The following SLC35F1 variants were observed in gnomAD, a reference collection of about 807,000 sequenced individuals.
SLC35F1 encodes solute carrier family 35 member F1.
A neutral mutation model predicts 48.7 loss-of-function variants in SLC35F1; 14 were observed. The observed-to-expected ratio is 0.29, with a 90% CI of 0.19 to 0.45. SLC35F1 has a LOEUF of 0.45. Ranked by LOEUF, SLC35F1 falls within the 20% of genes least tolerant of loss-of-function variation. SLC35F1 has a pLI of 1.00. For synonymous variants in SLC35F1, 190 were observed against 202.2 expected (o/e 0.94, Z 0.51); for missense variants, 404 against 500.0 (o/e 0.81, Z 1.83).
chr6:118,032,134 C>T (rs1562269209), intron 1 of SLC35F1, among the ~76,000 whole-genome samples: 1 of 152,092 alleles, frequency 6.6e-6, no homozygotes, highest in Non-Finnish European at 1.5e-5. Context: ...GCTCAATAAA[C>T]CCAGACATAT....
At chr6:117,999,869 G>A (rs1331947349) in intron 1 of SLC35F1, among the ~76,000 whole-genome samples, 5 of 150,678 alleles carry the variant, frequency 3.3e-5, no homozygotes, top group South Asian at 2.1e-4. Flanking sequence ...TAAATTCCTC[G>A]ACACATATAC....
chr6:117,997,513 G>A (rs965899682), intron 1 of SLC35F1, among the ~76,000 whole-genome samples: 9 of 152,132 alleles, frequency 5.9e-5, no homozygotes, highest in African/African-American at 1.4e-4. Context: ...AATGTTAAGG[G>A]CAGCCAGAGA....
chr6:117,920,932 A>T (rs1032914945), intron 1 of SLC35F1, among the ~76,000 whole-genome samples: 2 of 152,066 alleles, frequency 1.3e-5, no homozygotes, highest in African/African-American at 2.4e-5. Flanking sequence ...AAATATTTAA[A>T]TATAACATAT....
intron 1 of SLC35F1, among the ~76,000 whole-genome samples, chr6:117,954,881 C>T (rs2114830324): frequency 6.6e-6 from 1 of 152,318 alleles, no homozygotes; most frequent in East Asian, 1.9e-4. Flanking sequence ...TTTTCTTACT[C>T]ATTGACTGTT....
intron 2 of SLC35F1, among the ~76,000 whole-genome samples, chr6:118,228,743 G>T (rs148825709): frequency 6.2e-4 from 95 of 152,076 alleles, no homozygotes; most frequent in African/African-American, 2.2e-3. Context: ...TGGAGTTCTG[G>T]TAAAAGAGAT....
At chr6:118,141,299 A>G (rs1773885779) in intron 1 of SLC35F1, among the ~76,000 whole-genome samples, 1 of 152,256 alleles carries the variant, frequency 6.6e-6, no homozygotes, top group African/African-American at 2.4e-5. Context: ...AACTGCATAC[A>G]GTATTCAGTA....
intron 6 of SLC35F1, among the ~76,000 whole-genome samples, chr6:118,284,046 TG>T (rs1776020342): frequency 6.6e-6 from 1 of 152,190 alleles, no homozygotes; most frequent in Admixed American, 6.5e-5. Context: ...AGATCTGATG[TG>T]GCTTTCATAT....
intron 2 of SLC35F1, among the ~76,000 whole-genome samples, chr6:118,225,254 T>C (rs562294964): frequency 8.5e-5 from 13 of 152,302 alleles, no homozygotes; most frequent in Admixed American, 7.2e-4. Flanking sequence ...TACAAAGTTA[T>C]GGCAATTAAA....
intron 1 of SLC35F1, among the ~76,000 whole-genome samples, chr6:117,965,001 A>T (rs1294753886): frequency 6.6e-6 from 1 of 152,192 alleles, no homozygotes; most frequent in Admixed American, 6.5e-5. Flanking sequence ...GGAGACGGTC[A>T]CTTAGGCAAT....
intron 3 of SLC35F1, among the ~76,000 whole-genome samples, chr6:118,241,820 A>C (rs1248012706): frequency 6.6e-6 from 1 of 152,242 alleles, no homozygotes; most frequent in Admixed American, 6.5e-5. Context: ...ATTGAATTTT[A>C]CAGTATTTAA....
intron 2 of SLC35F1, among the ~76,000 whole-genome samples, chr6:118,198,070 G>A (rs963107497): frequency 6.6e-6 from 1 of 152,064 alleles, no homozygotes; most frequent in Admixed American, 6.5e-5. Context: ...GGTGACTTGT[G>A]GACTCTCAGT....
intron 1 of SLC35F1, among the ~76,000 whole-genome samples, chr6:118,153,284 C>T (rs539853541): frequency 6.6e-6 from 1 of 152,002 alleles, no homozygotes; most frequent in Non-Finnish European, 1.5e-5. Context: ...TTGTATATTC[C>T]AAAAGCGCTA....
chr6:118,046,608 A>G (rs1441861785), intron 1 of SLC35F1, among the ~76,000 whole-genome samples: 1 of 152,112 alleles, frequency 6.6e-6, no homozygotes, highest in Non-Finnish European at 1.5e-5. Flanking sequence ...AACTAGGTTG[A>G]TAGCAAGCAG....
At chr6:118,101,477 AG>A (rs1773257330) in intron 1 of SLC35F1, among the ~76,000 whole-genome samples, 1 of 152,226 alleles carries the variant, frequency 6.6e-6, no homozygotes, top group Non-Finnish European at 1.5e-5. Context: ...GCTTGAGTTA[AG>A]CAAGTCTGCC....
intron 2 of SLC35F1, among the ~76,000 whole-genome samples, chr6:118,187,913 A>G (rs527461799): frequency 2.5e-4 from 38 of 152,372 alleles, no homozygotes; most frequent in African/African-American, 9.1e-4. Context: ...CTATTGCCCA[A>G]TTCCTCTGGG....
intron 3 of SLC35F1, among the ~76,000 whole-genome samples, chr6:118,245,995 C>A (rs774092844): frequency 4.6e-5 from 7 of 152,146 alleles, no homozygotes; most frequent in African/African-American, 7.2e-5. Flanking sequence ...GAGGGAGAGA[C>A]AAGCTCTCCC....
At chr6:118,085,329 C>A (rs1772971269) in intron 1 of SLC35F1, among the ~76,000 whole-genome samples, 1 of 152,056 alleles carries the variant, frequency 6.6e-6, no homozygotes, top group Non-Finnish European at 1.5e-5. Flanking sequence ...TAGCTTGGAC[C>A]AAATCCCCTT....
At chr6:118,131,185 C>A (rs1486773780) in intron 1 of SLC35F1, among the ~76,000 whole-genome samples, 1 of 152,018 alleles carries the variant, frequency 6.6e-6, no homozygotes, top group Admixed American at 6.6e-5. Flanking sequence ...AGAGGAGGAT[C>A]TATTCAAACG....
At chr6:118,186,996 T>G (rs1774664906) in intron 2 of SLC35F1, among the ~76,000 whole-genome samples, 1 of 152,228 alleles carries the variant, frequency 6.6e-6, no homozygotes, top group African/African-American at 2.4e-5. Context: ...ATCCAATTAC[T>G]CATGCCCAAC....
Sources: allele counts gnomAD v4.1 joint callset (sites outside exome capture counted in the v4.1 genomes callset), GRCh38; gene constraint gnomAD v4.1.1; transcripts MANE v1.5; gene names NCBI Gene and HGNC (gene_info 2026-07-23, HGNC 2026-07-21).